LSAMP: variants seen among roughly 807,000 people sequenced by gnomAD.
LSAMP encodes limbic system associated membrane protein, also known as limbic system-associated membrane protein.
Under a neutral mutation model 38.6 loss-of-function variants are expected in LSAMP, and 7 were observed. The ratio of observed to expected loss-of-function variants is 0.18; its 90% CI spans 0.10 to 0.34. The LOEUF is 0.34. Among genes scored for constraint, LSAMP ranks in the 10% least tolerant of loss-of-function variants. The probability of loss-of-function intolerance (pLI) is 1.00; values close to 1 mark genes in which losing one functional copy is unlikely to be tolerated. For synonymous variants in LSAMP, 154 were observed against 166.8 expected, an observed-to-expected ratio of 0.92 and a Z score of 0.59; for missense variants, 313 against 420.0, an observed-to-expected ratio of 0.75 and a Z score of 2.23.
intron 1 of LSAMP, among the ~76,000 whole-genome samples, chr3:116,330,762 A>G (rs974382751): frequency 6.6e-6 from 1 of 152,186 alleles, no homozygotes; most frequent in Non-Finnish European, 1.5e-5. Flanking sequence ...AACAATTTTT[A>G]AAAACCAATA....
At chr3:116,262,684 G>T (rs1040101784) in intron 1 of LSAMP, among the ~76,000 whole-genome samples, 2 of 152,144 alleles carry the variant, frequency 1.3e-5, no homozygotes, top group Admixed American at 1.3e-4. Context: ...GCACAGAAAA[G>T]AATGCAATAA....
chr3:116,032,599 A>G (rs1316540257), intron 2 of LSAMP, among the ~76,000 whole-genome samples: 1 of 152,082 alleles, frequency 6.6e-6, no homozygotes, highest in Non-Finnish European at 1.5e-5. Context: ...AGTTTGAGAC[A>G]AGCCTGGGCA....
At chr3:115,992,177 T>C (rs1265336297) in intron 3 of LSAMP, among the ~76,000 whole-genome samples, 1 of 151,982 alleles carries the variant, frequency 6.6e-6, no homozygotes, top group African/African-American at 2.4e-5. Context: ...TATTGCCAGA[T>C]GAGATGTCCC....
At chr3:116,438,900 G>A (rs1360655886) in intron 1 of LSAMP, among the ~76,000 whole-genome samples, 1 of 151,962 alleles carries the variant, frequency 6.6e-6, no homozygotes, top group African/African-American at 2.4e-5. Context: ...CCTCTCTCCC[G>A]TTTGAATTTG....
intron 1 of LSAMP, among the ~76,000 whole-genome samples, chr3:116,414,858 T>C (rs927456628): frequency 2.0e-5 from 3 of 152,092 alleles, no homozygotes; most frequent in African/African-American, 7.2e-5. Context: ...TGCTTTGTAT[T>C]GACCAAATTT....
chr3:116,040,226 G>A (rs1941139303), intron 2 of LSAMP, among the ~76,000 whole-genome samples: 1 of 152,136 alleles, frequency 6.6e-6, no homozygotes, highest in Non-Finnish European at 1.5e-5. Context: ...TTCTATAGAT[G>A]GAAGAAAATT....
In LSAMP at chr3:116,258,575, T is replaced by C. The variant is rs1228211967; in HGVS notation, c.156-172019A>G. Among the ~76,000 whole-genome samples, 5 of 152,106 alleles carry C rather than the reference T, an allele frequency of 3.3e-5. 1 individual carries two copies. The highest frequency in any genetic ancestry group is 1.3e-4 in the Admixed American group (2 of 15,274). On this transcript the variant is annotated intron_variant, in intron 1 of 6. Transcript: ENST00000490035. ...TTTTAAAAAGATGATCCTTTATAAT[T>C]GTGTACTATAATCAGGTGATGGAAA... is the stretch of plus-strand genomic sequence containing the variant.
rs57397275 is a variant in LSAMP at position 116,098,763 on chromosome 3, T to C, written c.156-12207A>G. ...TTTCTCTCACCAAAGCATTTTTTTT[T>C]CCTCCCTTTTGCTGGAGGCCTGTCT... On this transcript the variant is annotated intron_variant, in intron 1 of 6. Coordinates refer to ENST00000490035, the MANE Select transcript of LSAMP (RefSeq NM_002338.5). Among the ~76,000 whole-genome samples the C allele has an allele frequency of 9.5e-3, 1,443 of 152,280 alleles. 13 individuals carry two copies. Among genetic ancestry groups the C allele is most frequent in the African/African-American group, 0.031 (1,293 of 41,558 alleles).
At chr3:116,072,606 C>T (rs796929563) in intron 2 of LSAMP, among the ~76,000 whole-genome samples, 16 of 152,050 alleles carry the variant, frequency 1.1e-4, no homozygotes, top group Admixed American at 5.2e-4. Flanking sequence ...TGGTGTGAGA[C>T]GGTATTTCAT....
At chr3:116,039,721 A>G (rs1434926515) in intron 2 of LSAMP, among the ~76,000 whole-genome samples, 1 of 152,210 alleles carries the variant, frequency 6.6e-6, no homozygotes, top group Non-Finnish European at 1.5e-5. Context: ...GTGGGGCATT[A>G]CAAAGAGAGG....
chr3:115,950,811 A>G (rs1938261118), intron 3 of LSAMP, among the ~76,000 whole-genome samples: 1 of 128,308 alleles, frequency 7.8e-6, no homozygotes, highest in Non-Finnish European at 1.8e-5. Context: ...AAAAAAAAAA[A>G]AAAAAAAAAA....
At chr3:116,423,530 C>T (rs1000314502) in intron 1 of LSAMP, among the ~76,000 whole-genome samples, 5 of 152,198 alleles carry the variant, frequency 3.3e-5, no homozygotes, top group Admixed American at 6.5e-5. Context: ...ATCCCTCCTC[C>T]TCTTTTTCCC....
At chr3:116,436,011 G>A (rs930033488) in intron 1 of LSAMP, among the ~76,000 whole-genome samples, 10 of 152,154 alleles carry the variant, frequency 6.6e-5, no homozygotes, top group African/African-American at 2.2e-4. Context: ...AAAGGGGGCC[G>A]GGGTTGTGAG....
chr3:116,018,693 G>A (rs1469487108), intron 3 of LSAMP, among the ~76,000 whole-genome samples: 1 of 152,156 alleles, frequency 6.6e-6, no homozygotes, highest in Non-Finnish European at 1.5e-5. Context: ...TAGAGTAGAG[G>A]AGTATGTATG....
At chr3:116,351,641 T>C (rs982626926) in intron 1 of LSAMP, among the ~76,000 whole-genome samples, 13 of 152,064 alleles carry the variant, frequency 8.5e-5, no homozygotes, top group Admixed American at 7.9e-4. Context: ...AACTACAGAA[T>C]GGATGGCGGT....
chr3:116,406,774 C>G (rs544709971), intron 1 of LSAMP, among the ~76,000 whole-genome samples: 73 of 151,562 alleles, frequency 4.8e-4, no homozygotes, highest in Admixed American at 1.8e-3. Context: ...TCACTTTTGA[C>G]AGAACTAAGG....
chr3:115,852,750 G>T, intron 3 of LSAMP, 133 bp from the exon 4 acceptor site: 1 of 878,554 alleles, frequency 1.1e-6, no homozygotes, highest in Non-Finnish European at 1.7e-6. Flanking sequence ...TCTGACATCA[G>T]ATTCCACAGA....
chr3:116,042,720 G>A (rs1941202590), intron 2 of LSAMP, among the ~76,000 whole-genome samples: 1 of 152,174 alleles, frequency 6.6e-6, no homozygotes, highest in South Asian at 2.1e-4. Context: ...GAGCCACCGT[G>A]CCTGGCCTAA....
intron 1 of LSAMP, among the ~76,000 whole-genome samples, chr3:116,322,066 C>G (rs2047713651): frequency 6.6e-6 from 1 of 152,176 alleles, no homozygotes; most frequent in Non-Finnish European, 1.5e-5. Flanking sequence ...ACATTGTTCA[C>G]TGAAGCAAAA....
Sources: allele counts gnomAD v4.1 joint callset (sites outside exome capture counted in the v4.1 genomes callset), GRCh38; gene constraint gnomAD v4.1.1; transcripts MANE v1.5; gene names NCBI Gene and HGNC (gene_info 2026-07-23, HGNC 2026-07-21).